FRMPD4: variants seen among roughly 807,000 people sequenced by gnomAD.
FRMPD4 encodes FERM and PDZ domain-containing protein 4.
Under a neutral mutation model 94.1 loss-of-function variants are expected in FRMPD4, and 22 were observed. The observed-to-expected ratio is 0.23, with a 90% CI of 0.17 to 0.33. FRMPD4 has a LOEUF of 0.33. Ranked by LOEUF, FRMPD4 falls within the 10% of genes least tolerant of loss-of-function variation. FRMPD4 has a pLI of 1.00. For synonymous variants in FRMPD4, 631 were observed against 548.6 expected (o/e 1.15, Z -2.10); for missense variants, 1,111 against 1,339.9 (o/e 0.83, Z 2.67).
chrX:11,947,087 C>A (rs2054193270), intron 3 of FRMPD4, among the ~76,000 whole-genome samples: 1 of 111,313 alleles, frequency 9.0e-6, no homozygotes. Context: ...CAGCCTGGGA[C>A]CTTGAAGAGA....
intron 8 of FRMPD4, among the ~76,000 whole-genome samples, chrX:12,693,650 T>C (rs1417384810): frequency 5.3e-5 from 6 of 112,265 alleles, no homozygotes; most frequent in Non-Finnish European, 3.8e-5. Flanking sequence ...GTTGACACTA[T>C]CATGTTTTCA....
At chrX:11,825,036 T>G (rs976349352) in intron 1 of FRMPD4, among the ~76,000 whole-genome samples, 1 of 111,538 alleles carries the variant, frequency 9.0e-6, no homozygotes, top group Non-Finnish European at 1.9e-5. Context: ...TTTCTCATTT[T>G]ATTTTTAGAA....
intron 13 of FRMPD4, 55 bp from the exon 14 acceptor site, chrX:12,710,344 C>T (rs1241555446): frequency 1.2e-4 from 124 of 1,023,103 alleles, no homozygotes; most frequent in Non-Finnish European, 1.5e-4. Context: ...TGTTGACACT[C>T]CAGGGATGTT....
intron 4 of FRMPD4, among the ~76,000 whole-genome samples, chrX:12,673,502 C>T (rs11797769): frequency 0.3 from 33,406 of 110,832 alleles, 4,343 homozygotes; most frequent in Non-Finnish European, 0.41. Context: ...AGTTGACTGG[C>T]TTGGTCATGG....
At chrX:12,702,381 T>C (rs774010189) in intron 10 of FRMPD4, among the ~76,000 whole-genome samples, 84 of 112,018 alleles carry the variant, frequency 7.5e-4, no homozygotes, top group Admixed American at 2.7e-3. Flanking sequence ...AACCGAGTCA[T>C]AGAATAACTT....
intron 3 of FRMPD4, among the ~76,000 whole-genome samples, chrX:12,037,282 C>G (rs2054725478): frequency 8.9e-6 from 1 of 111,845 alleles, no homozygotes; most frequent in Non-Finnish European, 1.9e-5. Context: ...TCTTTACCCT[C>G]CATTTGTACC....
chrX:12,464,921 A>C (rs185623151), intron 1 of FRMPD4, among the ~76,000 whole-genome samples: 12 of 112,092 alleles, frequency 1.1e-4, no homozygotes, highest in African/African-American at 3.9e-4. Flanking sequence ...AAATGGAATT[A>C]AGGAAATTCT....
intron 1 of FRMPD4, among the ~76,000 whole-genome samples, chrX:12,401,823 T>G (rs1332586331): frequency 8.9e-6 from 1 of 111,851 alleles, no homozygotes. Flanking sequence ...TTGTATTTGT[T>G]TATGTATTTA....
chrX:11,884,142 T>C (rs1008886936), intron 3 of FRMPD4, among the ~76,000 whole-genome samples: 1 of 73,437 alleles, frequency 1.4e-5, no homozygotes, highest in African/African-American at 5.1e-5. Context: ...GCTAACCTTG[T>C]CCTCTGCTCA....
At chrX:12,106,295 G>A (rs746358495) in intron 3 of FRMPD4, among the ~76,000 whole-genome samples, 2 of 111,854 alleles carry the variant, frequency 1.8e-5, no homozygotes, top group South Asian at 7.5e-4. Flanking sequence ...TTTTGTAATT[G>A]TTTTGCCTGT....
chrX:12,427,605 T>C (rs1025890991), intron 1 of FRMPD4, among the ~76,000 whole-genome samples: 6 of 111,826 alleles, frequency 5.4e-5, no homozygotes, highest in African/African-American at 9.7e-5. Flanking sequence ...TGGAACAAGA[T>C]GCTATTTAAT....
At chrX:12,488,514 A>G (rs2057760399) in intron 1 of FRMPD4, among the ~76,000 whole-genome samples, 1 of 111,856 alleles carries the variant, frequency 8.9e-6, no homozygotes, top group Admixed American at 9.5e-5. Context: ...TAGTGGCCCT[A>G]TTTACAAGAC....
At chrX:11,895,210 T>C (rs751109109) in intron 3 of FRMPD4, among the ~76,000 whole-genome samples, 1 of 111,907 alleles carries the variant, frequency 8.9e-6, no homozygotes, top group Non-Finnish European at 1.9e-5. Context: ...CATTGCAGGA[T>C]CTTTAGCAGC....
intron 1 of FRMPD4, among the ~76,000 whole-genome samples, chrX:12,390,093 A>G (rs1401379683): frequency 6.2e-5 from 7 of 112,101 alleles, no homozygotes; most frequent in Non-Finnish European, 1.3e-4. Flanking sequence ...AATGCAGTTA[A>G]CATGAATACC....
chrX:12,427,995 C>T (rs1032265340), intron 1 of FRMPD4, among the ~76,000 whole-genome samples: 2 of 101,821 alleles, frequency 2.0e-5, no homozygotes, highest in African/African-American at 7.2e-5. Flanking sequence ...CTGCAAGCTC[C>T]GCCTCCCGGG....
At chrX:12,539,898 T>G (rs1413134048) in intron 2 of FRMPD4, among the ~76,000 whole-genome samples, 2 of 112,375 alleles carry the variant, frequency 1.8e-5, no homozygotes, top group Non-Finnish European at 3.8e-5. Flanking sequence ...CCTCCCAAAG[T>G]GCTGGGATTA....
At chrX:12,540,336 A>G (rs780079809) in intron 2 of FRMPD4, among the ~76,000 whole-genome samples, 2 of 111,970 alleles carry the variant, frequency 1.8e-5, no homozygotes, top group Non-Finnish European at 3.8e-5. Context: ...TGCCGTATTC[A>G]GGAGACCCAT....
chrX:12,152,349 T>C lies in FRMPD4; in HGVS notation c.41+13337T>C, dbSNP rs757657435. The stretch of plus-strand genomic sequence containing the variant: ...CAAGGAAACACTTTATGCAGTGATA[T>C]ATAATGGTCTCCAGGACATATTTAT... On this transcript the variant is annotated intron_variant, in intron 1 of 16. Transcript: ENST00000675598. Among the ~76,000 whole-genome samples the C allele has an allele frequency of 3.6e-5, 4 of 111,669 alleles. No homozygotes were observed. In the South Asian group the frequency reaches 1.5e-3, roughly 42 times the overall value.
At chrX:12,308,449 C>T (rs187724326) in intron 1 of FRMPD4, among the ~76,000 whole-genome samples, 2 of 111,767 alleles carry the variant, frequency 1.8e-5, no homozygotes, top group African/African-American at 3.2e-5. Context: ...GGAGGATGTA[C>T]TTCCCTTGCC....
Sources: allele counts gnomAD v4.1 joint callset (sites outside exome capture counted in the v4.1 genomes callset), GRCh38; gene constraint gnomAD v4.1.1; transcripts MANE v1.5; gene names NCBI Gene and HGNC (gene_info 2026-07-23, HGNC 2026-07-21).